Variants in PTPRN2 observed in about 807,000 individuals in gnomAD.
PTPRN2 encodes receptor-type tyrosine-protein phosphatase N2.
A neutral mutation model predicts 118.8 loss-of-function variants in PTPRN2; 74 were observed. The ratio of observed to expected loss-of-function variants is 0.62; its 90% confidence interval spans 0.52 to 0.76. The LOEUF (loss-of-function observed/expected upper bound fraction) is 0.76. PTPRN2 is among the 30% of genes least tolerant of loss of function. The pLI is 0.00. For synonymous variants in PTPRN2, 641 were observed against 608.0 expected (o/e 1.05, Z -0.80); for missense variants, 1,481 against 1,394.4 (o/e 1.06, Z -0.99).
In PTPRN2 at chr7:157,914,973, T is replaced by A. The variant is rs190607696; in HGVS notation, c.1724-16236A>T. Among the ~76,000 whole-genome samples, 75 of 152,348 alleles carry A rather than the reference T, an allele frequency of 4.9e-4. 1 individual carries two copies. The highest frequency in any genetic ancestry group is 3.4e-3 in the Middle Eastern group (1 of 294). The stretch of plus-strand genomic sequence containing the variant: ...TACCCTTAGTTTAGAATTTCTATTA[T>A]TATATCTTTCATTAAAATATATTTC... On this transcript the variant is annotated intron_variant, in intron 11 of 22. Transcript: ENST00000389418.
chr7:158,329,522 C>T (rs1242577716), intron 2 of PTPRN2, among the ~76,000 whole-genome samples: 1 of 152,142 alleles, frequency 6.6e-6, no homozygotes, highest in Non-Finnish European at 1.5e-5. Context: ...CACATGAGGA[C>T]ACGTGAGGAG....
rs1212600431 is a variant in PTPRN2, at chr7:157,690,160, G to A, written c.1789-7223C>T. On this transcript the variant is annotated intron_variant, in intron 12 of 22. Transcript: ENST00000389418. The surrounding 1 kb of genome is among the most constrained non-coding windows in gnomAD (Gnocchi z 7.1). ...CTCCTTGGGGCGGTCTCTGCGGGGC[G>A]CTGGGCCAGGACAGCTGCCAACCCT... Among the ~76,000 whole-genome samples, 1 of 152,178 alleles carries A rather than the reference G, an allele frequency of 6.6e-6. No individual in the cohort carries two copies. The highest frequency in any genetic ancestry group is 1.5e-5 in the Non-Finnish European group (1 of 68,034).
intron 3 of PTPRN2, among the ~76,000 whole-genome samples, chr7:158,226,965 G>C (rs1042048980): frequency 6.6e-6 from 1 of 152,140 alleles, no homozygotes; most frequent in African/African-American, 2.4e-5. Flanking sequence ...CTGAGGAACA[G>C]AGATGCAAAG....
At chr7:157,904,760 A>G (rs1316266824) in intron 11 of PTPRN2, among the ~76,000 whole-genome samples, 1 of 144,506 alleles carries the variant, frequency 6.9e-6, no homozygotes, top group Non-Finnish European at 1.5e-5. Flanking sequence ...TCACTGGCAG[A>G]GAGAATCGAA....
At chr7:158,326,355 C>T (rs1253257478) in intron 2 of PTPRN2, among the ~76,000 whole-genome samples, 2 of 152,236 alleles carry the variant, frequency 1.3e-5, no homozygotes, top group African/African-American at 4.8e-5. Context: ...CTGGCTCAGG[C>T]CTGAAGATGC....
chr7:158,110,805 G>C (rs769683554), intron 10 of PTPRN2, 24 bp downstream of exon 10: 1 of 1,560,876 alleles, frequency 6.4e-7, no homozygotes, highest in African/African-American at 1.4e-5. Flanking sequence ...GAGCCAAACA[G>C]AAACCCCAGG....
At chr7:158,268,246 GCA>G (rs1260134516) in intron 3 of PTPRN2, among the ~76,000 whole-genome samples, 1 of 151,540 alleles carries the variant, frequency 6.6e-6, no homozygotes, top group Non-Finnish European at 1.5e-5. Flanking sequence ...TATCCCAGCC[GCA>G]CACACACAGA....
rs193138044 is a variant in PTPRN2, at chr7:157,843,674, C to T, written c.1788+54999G>A. Among the ~76,000 whole-genome samples, 456 of 152,352 alleles carry T rather than the reference C, an allele frequency of 3.0e-3. 5 individuals are homozygous for T. The South Asian group carries it at 0.036, about 12-fold the overall frequency. ...CAGGTGTCGGAAAAAAATTTGGGAA[C>T]ACACATTAACCTACGCAACTCTCTT... is the stretch of plus-strand genomic sequence containing the variant. On this transcript the variant is annotated intron_variant, in intron 12 of 22. Transcript: ENST00000389418.
chr7:157,687,821 G>A (rs984704148), intron 12 of PTPRN2, among the ~76,000 whole-genome samples: 1 of 152,204 alleles, frequency 6.6e-6, no homozygotes, highest in Non-Finnish European at 1.5e-5. Context: ...GGGGGAAGGG[G>A]TGTCTTAAAA....
chr7:158,326,124 C>T (rs1481164844), intron 2 of PTPRN2, among the ~76,000 whole-genome samples: 1 of 152,226 alleles, frequency 6.6e-6, no homozygotes, highest in Non-Finnish European at 1.5e-5. Flanking sequence ...AGTCTGGCAG[C>T]CAGGGAGGGA....
At chr7:157,887,572 C>CCCCCAGTACCCGCTT (rs1796543951) in intron 12 of PTPRN2, among the ~76,000 whole-genome samples, 1 of 13,294 alleles carries the variant, frequency 7.5e-5, no homozygotes, top group Non-Finnish European at 1.6e-4. Flanking sequence ...AGTACATGGT[C>CCCCCAGTACCCGCTT]CCCCAGTGCC....
chr7:158,169,434 GT>G (rs1182908958), intron 5 of PTPRN2, among the ~76,000 whole-genome samples: 3 of 149,170 alleles, frequency 2.0e-5, no homozygotes, highest in African/African-American at 7.7e-5. Context: ...GTGTGTGTGT[GT>G]GTGTGTGTGT....
Position 157,559,015 on chromosome 7 carries a change from G to A in PTPRN2, c.2902+9887C>T, listed in dbSNP as rs150214009. Among the ~76,000 whole-genome samples, 34 of 152,348 alleles carry A rather than the reference G, an allele frequency of 2.2e-4. No individual in the cohort carries two copies. The East Asian group carries it at 4.1e-3, about 18-fold the overall frequency. On this transcript the variant is annotated intron_variant, in intron 21 of 22. Transcript: ENST00000389418. Reference sequence around the variant, plus strand: ...AGGCCAAGGAGGGAGCCGAGGGGCCGCGTGACACTGCACGGGATCGCTGCC... The same window carrying A: ...AGGCCAAGGAGGGAGCCGAGGGGCCACGTGACACTGCACGGGATCGCTGCC...
At chr7:158,021,908 T>C (rs1201996095) in intron 11 of PTPRN2, among the ~76,000 whole-genome samples, 2 of 152,158 alleles carry the variant, frequency 1.3e-5, no homozygotes, top group Non-Finnish European at 2.9e-5. Flanking sequence ...ACCTCTGTCC[T>C]AGTAAGTATT....
intron 3 of PTPRN2, among the ~76,000 whole-genome samples, chr7:158,265,122 G>A (rs1460539808): frequency 6.6e-6 from 1 of 152,102 alleles, no homozygotes; most frequent in African/African-American, 2.4e-5. Context: ...TGCTTCGTAT[G>A]TGTTCCGCAG....
At chr7:157,707,197 G>GCA (rs58765321) in intron 12 of PTPRN2, among the ~76,000 whole-genome samples, 7 of 151,396 alleles carry the variant, frequency 4.6e-5, no homozygotes, top group African/African-American at 7.3e-5. Flanking sequence ...CAGCATACAC[G>GCA]CACACACACA....
intron 2 of PTPRN2, among the ~76,000 whole-genome samples, chr7:158,396,782 C>T (rs1196540702): frequency 2.0e-5 from 3 of 152,234 alleles, no homozygotes; most frequent in South Asian, 2.1e-4. Flanking sequence ...TGACCCGCCT[C>T]GGGGTCTGTC....
intron 11 of PTPRN2, among the ~76,000 whole-genome samples, chr7:158,033,576 A>T (rs1807849651): frequency 6.6e-6 from 1 of 152,196 alleles, no homozygotes; most frequent in South Asian, 2.1e-4. Flanking sequence ...GTCTGATCTC[A>T]GGAGAGGGGA....
chr7:158,008,516 C>T (rs1805823602), intron 11 of PTPRN2, among the ~76,000 whole-genome samples: 1 of 152,240 alleles, frequency 6.6e-6, no homozygotes, highest in Non-Finnish European at 1.5e-5. Flanking sequence ...GGTGCTTTCT[C>T]ACTATCAAAG....
Sources: allele counts gnomAD v4.1 joint callset (sites outside exome capture counted in the v4.1 genomes callset), GRCh38; gene constraint gnomAD v4.1.1; non-coding constraint Gnocchi (gnomAD v3.1); transcripts MANE v1.5; gene names NCBI Gene and HGNC (gene_info 2026-07-23, HGNC 2026-07-21).